The following CDH12 variants were observed in gnomAD, a reference collection of about 807,000 sequenced individuals.
CDH12 encodes cadherin 12, also known as cadherin-12.
CDH12 carries 41 observed loss-of-function variants against 74.1 expected under a neutral mutation model. That is an observed-to-expected ratio of 0.55 (90% CI 0.43 to 0.72). The LOEUF is 0.72. Among genes scored for constraint, CDH12 ranks in the 30% least tolerant of loss-of-function variants. The pLI is 0.00. For missense variants in CDH12, 945 were observed against 977.2 expected, an observed-to-expected ratio of 0.97 and a Z score of 0.44; for synonymous variants, 399 against 355.0, an observed-to-expected ratio of 1.12 and a Z score of -1.39.
chr5:21,946,985 G>C (rs1253182326), intron 6 of CDH12, among the ~76,000 whole-genome samples: 1 of 152,134 alleles, frequency 6.6e-6, no homozygotes, highest in Admixed American at 6.5e-5. Flanking sequence ...TCATGATAGT[G>C]AGTAAGTTTT....
At chr5:22,472,487 C>T (rs1746002147) in intron 2 of CDH12, among the ~76,000 whole-genome samples, 2 of 152,090 alleles carry the variant, frequency 1.3e-5, no homozygotes, top group South Asian at 4.1e-4. Flanking sequence ...TTTGACTAAA[C>T]CTCAGACATG....
At chr5:22,687,288 G>A (rs1031377301) in intron 1 of CDH12, among the ~76,000 whole-genome samples, 1 of 150,398 alleles carries the variant, frequency 6.6e-6, no homozygotes, top group African/African-American at 2.5e-5. Flanking sequence ...GTGAAACTCC[G>A]TCTAAAAAAA....
chr5:21,889,951 G>T (rs1246363706), intron 6 of CDH12: 1 of 520,570 alleles, frequency 1.9e-6, no homozygotes. Context: ...AAAAACATCA[G>T]CTGTAGTCTA....
intron 1 of CDH12, among the ~76,000 whole-genome samples, chr5:22,836,084 G>A (rs1226704289): frequency 6.6e-6 from 1 of 151,942 alleles, no homozygotes; most frequent in African/African-American, 2.4e-5. Context: ...TTACATGAAG[G>A]GTGATCTGTG....
chr5:22,828,875 A>C (rs913887546), intron 1 of CDH12, among the ~76,000 whole-genome samples: 8 of 152,158 alleles, frequency 5.3e-5, no homozygotes, highest in Non-Finnish European at 1.0e-4. Context: ...ATATATTTTC[A>C]TTCATATCTC....
At chr5:22,232,548 T>C (rs953215285) in intron 3 of CDH12, among the ~76,000 whole-genome samples, 2 of 151,844 alleles carry the variant, frequency 1.3e-5, no homozygotes, top group Admixed American at 6.6e-5. Context: ...AGAGTAGTTA[T>C]TAAGAAAATA....
At chr5:22,308,648 G>A (rs1047405333) in intron 3 of CDH12, among the ~76,000 whole-genome samples, 3 of 152,042 alleles carry the variant, frequency 2.0e-5, no homozygotes, top group Middle Eastern at 3.2e-3. Flanking sequence ...TGGATTCTAA[G>A]AGATAATTCA....
intron 1 of CDH12, among the ~76,000 whole-genome samples, chr5:22,582,864 T>C (rs977970265): frequency 3.3e-5 from 5 of 152,160 alleles, no homozygotes; most frequent in African/African-American, 7.2e-5. Flanking sequence ...TGGGGGTTTG[T>C]ACTCTTGAAT....
At chr5:22,585,722 T>C (rs1365805684) in intron 1 of CDH12, among the ~76,000 whole-genome samples, 1 of 152,132 alleles carries the variant, frequency 6.6e-6, no homozygotes, top group African/African-American at 2.4e-5. Context: ...TTACTACATT[T>C]TTTTTTTAAA....
chr5:22,225,446 A>G (rs1752162590), intron 3 of CDH12, among the ~76,000 whole-genome samples: 2 of 152,114 alleles, frequency 1.3e-5, no homozygotes, highest in Non-Finnish European at 2.9e-5. Context: ...AATACAACTG[A>G]AATGACATTA....
At chr5:21,933,904 G>T (rs946453968) in intron 6 of CDH12, among the ~76,000 whole-genome samples, 2 of 152,082 alleles carry the variant, frequency 1.3e-5, no homozygotes, top group African/African-American at 4.8e-5. Context: ...TAATCAGATA[G>T]AAGATAAAAC....
At chr5:21,812,259 AT>A (rs1747789506) in intron 9 of CDH12, among the ~76,000 whole-genome samples, 1 of 152,118 alleles carries the variant, frequency 6.6e-6, no homozygotes, top group Non-Finnish European at 1.5e-5. Context: ...AGGACTACAT[AT>A]TCAAATGTAG....
At chr5:22,160,703 C>T (rs1349702167) in intron 4 of CDH12, among the ~76,000 whole-genome samples, 1 of 152,090 alleles carries the variant, frequency 6.6e-6, no homozygotes, top group Non-Finnish European at 1.5e-5. Context: ...CACCTTTTGG[C>T]TGTGTCCTGT....
At chr5:21,886,299 A>G (rs1387476217) in intron 6 of CDH12, among the ~76,000 whole-genome samples, 1 of 151,584 alleles carries the variant, frequency 6.6e-6, no homozygotes, top group South Asian at 2.1e-4. Flanking sequence ...TTTTTCATTC[A>G]TTACCAGGCA....
intron 1 of CDH12, among the ~76,000 whole-genome samples, chr5:22,728,597 C>A (rs1744278019): frequency 6.6e-6 from 1 of 151,776 alleles, no homozygotes; most frequent in African/African-American, 2.4e-5. Context: ...ATCTGGGAAA[C>A]CTTTGATACA....
rs1294042111 is a variant in CDH12, at chr5:22,212,453, C to A, written c.-187+45G>T. Reference sequence around the variant, plus strand: ...GTTTAGTCAGTTAGAACTTTCAATGCAGAAATTCAGTGCCATGCAGTCACC... The same window carrying A: ...GTTTAGTCAGTTAGAACTTTCAATGAAGAAATTCAGTGCCATGCAGTCACC... On this transcript the variant is annotated intron_variant, in intron 4 of 14. Transcript: ENST00000382254. 1.2e-5 allele frequency: 7 copies of A among 603,772 alleles called. No individual in the cohort carries two copies. The East Asian group carries it at 7.2e-4, about 62-fold the overall frequency. 37.4% of individuals were successfully genotyped at this position (603,772 alleles called of 1,614,324 possible). A position where few individuals can be genotyped will look rare whatever the true frequency, so the allele number is the denominator to read the frequency against.
chr5:22,616,913 G>A (rs976006165), intron 1 of CDH12, among the ~76,000 whole-genome samples: 1 of 151,850 alleles, frequency 6.6e-6, no homozygotes, highest in Non-Finnish European at 1.5e-5. Flanking sequence ...CTCTCATGCT[G>A]AAGTGTAGTG....
intron 11 of CDH12, chr5:21,779,396 G>GT (rs1244949142): frequency 6.6e-6 from 1 of 151,946 alleles, no homozygotes; most frequent in Non-Finnish European, 1.5e-5. Context: ...ATTTGTTAAA[G>GT]TAACACAAAA....
At chr5:22,732,471 T>TACACACACAC (rs58402882) in intron 1 of CDH12, among the ~76,000 whole-genome samples, 5 of 72,666 alleles carry the variant, frequency 6.9e-5, no homozygotes, top group African/African-American at 2.0e-4. Context: ...TATATATATA[T>TACACACACAC]ACACACACAC....
Sources: allele counts gnomAD v4.1 joint callset (sites outside exome capture counted in the v4.1 genomes callset), GRCh38; gene constraint gnomAD v4.1.1; transcripts MANE v1.5; gene names NCBI Gene and HGNC (gene_info 2026-07-23, HGNC 2026-07-21).